The following RDH12 variants were observed in gnomAD, a reference collection of about 807,000 sequenced individuals.
RDH12 encodes the protein retinol dehydrogenase 12, also known as all-trans and 9-cis retinol dehydrogenase.
RDH12 carries 21 observed loss-of-function variants against 34.0 expected under a neutral mutation model. The observed-to-expected ratio is 0.62, with a 90% CI of 0.44 to 0.89. The LOEUF (loss-of-function observed/expected upper bound fraction) is 0.89, where lower values mean the gene tolerates loss of function less well. RDH12 is among the 40% of genes least tolerant of loss of function. RDH12 has a pLI of 0.00. For missense variants in RDH12, 394 were observed against 398.6 expected (o/e 0.99, Z 0.10); for synonymous variants, 198 against 169.9 (o/e 1.17, Z -1.29).
chr14:67,713,853 G>C (rs1291576464), intron 1 of RDH12, among the ~76,000 whole-genome samples: 1 of 152,142 alleles, frequency 6.6e-6, no homozygotes, highest in East Asian at 1.9e-4. Context: ...ACAACTCGAA[G>C]CAGGGAGGGG....
intron 1 of RDH12, chr14:67,715,116 C>G (rs1443892543): frequency 1.3e-5 from 2 of 152,284 alleles, no homozygotes; most frequent in African/African-American, 2.4e-5. Flanking sequence ...GAAGTGCCAG[C>G]CTTCTCCACT....
chr14:67,723,392 C>T (rs939170761), intron 3 of RDH12, among the ~76,000 whole-genome samples: 2 of 152,188 alleles, frequency 1.3e-5, no homozygotes, highest in African/African-American at 4.8e-5. Flanking sequence ...TGCCACTACA[C>T]CCAGCTACTT....
intron 1 of RDH12, among the ~76,000 whole-genome samples, chr14:67,718,494 A>T (rs1004561942): frequency 6.6e-6 from 1 of 152,180 alleles, no homozygotes; most frequent in African/African-American, 2.4e-5. Context: ...ATAGCATGTG[A>T]TCTCCACACA....
In RDH12 at chr14:67,729,219, C is replaced by G; in HGVS notation, c.687C>G (p.His229Gln). The G allele has an allele frequency of 6.2e-7, 1 of 1,612,180 alleles. No homozygotes were observed. Among genetic ancestry groups the G allele is most frequent in the African/African-American group, 1.3e-5 (1 of 75,020 alleles). Residue 229 changes from histidine (H) to glutamine (Q), a missense_variant, in exon 8 of 9, where the codon CAC (histidine) becomes CAG (glutamine). Physicochemically the swap from His to Gln is conservative, Grantham distance 24. Transcript: ENST00000551171. ...CCGGGGTCACCACCTACGCAGTGCA[C>G]CCAGGCGTCGTCCGCTCTGAGCTGG... ...QGTGVTTYAV[H>Q]PGVVRSELVR...
At chr14:67,724,214 C>A (rs1418730608) in intron 3 of RDH12, among the ~76,000 whole-genome samples, 1 of 152,188 alleles carries the variant, frequency 6.6e-6, no homozygotes, top group Non-Finnish European at 1.5e-5. Flanking sequence ...GCCCTGACTC[C>A]AGCATTTACT....
intron 1 of RDH12, among the ~76,000 whole-genome samples, chr14:67,703,550 C>T (rs55711201): frequency 0.45 from 68,278 of 151,962 alleles, 17,887 homozygotes; most frequent in Non-Finnish European, 0.61. Flanking sequence ...AGAACTTAGA[C>T]GATCCTACAT....
chr14:67,703,744 C>T (rs1028037925), intron 1 of RDH12, among the ~76,000 whole-genome samples: 2 of 152,090 alleles, frequency 1.3e-5, no homozygotes, highest in Admixed American at 6.6e-5. Context: ...GGCATGATCA[C>T]AGCTCATTGC....
At chr14:67,724,088 G>A (rs1040642111) in intron 3 of RDH12, among the ~76,000 whole-genome samples, 5 of 151,818 alleles carry the variant, frequency 3.3e-5, no homozygotes, top group Middle Eastern at 3.4e-3. Flanking sequence ...TATTGACTCC[G>A]CTAATGTTTA....
At position 67,730,673 on chromosome 14, in the gene RDH12, G is replaced by A. The variant is rs567497595; in HGVS notation, c.848+1293G>A. Among the ~76,000 whole-genome samples, 3 of 152,106 alleles carry A rather than the reference G, an allele frequency of 2.0e-5. No individual in the cohort carries two copies. The South Asian group carries it at 6.2e-4, about 32-fold the overall frequency. ...GGCTGGAGGGCAATGGCTTGATCTT[G>A]GCTCACTGCAACTTCAGCCTCCTGG... On this transcript the variant is annotated intron_variant, in intron 8 of 8. Transcript: ENST00000551171.
At chr14:67,731,903 G>T (rs1210289483) in intron 8 of RDH12, among the ~76,000 whole-genome samples, 2 of 151,864 alleles carry the variant, frequency 1.3e-5, no homozygotes. Flanking sequence ...GAGGTGGGTG[G>T]ATCACTTGAG....
chr14:67,703,630 A>G (rs1173980643), intron 1 of RDH12, among the ~76,000 whole-genome samples: 2 of 152,184 alleles, frequency 1.3e-5, no homozygotes, highest in African/African-American at 2.4e-5. Flanking sequence ...GTGCACAACA[A>G]TGGGCCATAA....
chr14:67,717,074 T>C (rs929158120), intron 1 of RDH12, among the ~76,000 whole-genome samples: 8 of 151,256 alleles, frequency 5.3e-5, no homozygotes, highest in Non-Finnish European at 1.2e-4. Flanking sequence ...TCGGTACCCT[T>C]CCCCTTTAAA....
intron 1 of RDH12, among the ~76,000 whole-genome samples, chr14:67,705,655 G>T (rs1286342324): frequency 2.0e-5 from 3 of 152,144 alleles, no homozygotes; most frequent in Non-Finnish European, 4.4e-5. Flanking sequence ...TAATTTCCTG[G>T]TTTTGATCAT....
intron 1 of RDH12, among the ~76,000 whole-genome samples, chr14:67,715,397 G>A (rs1385319765): frequency 1.3e-5 from 2 of 152,174 alleles, no homozygotes; most frequent in African/African-American, 4.8e-5. Flanking sequence ...TTTTGTCTAA[G>A]AGGCATTTCT....
chr14:67,703,862 G>A (rs558305992), intron 1 of RDH12, among the ~76,000 whole-genome samples: 45 of 152,170 alleles, frequency 3.0e-4, no homozygotes, highest in African/African-American at 9.9e-4. Context: ...TTTTTGGGTA[G>A]AGATGGGGTT....
At chr14:67,720,224 A>G (rs2038108377) in intron 1 of RDH12, among the ~76,000 whole-genome samples, 1 of 152,140 alleles carries the variant, frequency 6.6e-6, no homozygotes, top group Admixed American at 6.5e-5. Context: ...CTGCTATTTC[A>G]ATTGGGTTGT....
At chr14:67,713,916 C>G (rs967637675) in intron 1 of RDH12, among the ~76,000 whole-genome samples, 4 of 152,144 alleles carry the variant, frequency 2.6e-5, no homozygotes, top group African/African-American at 9.7e-5. Flanking sequence ...TTTTGAGTTT[C>G]TGTTTAGCCT....
At chr14:67,731,495 G>A (rs968015517) in intron 8 of RDH12, among the ~76,000 whole-genome samples, 4 of 151,842 alleles carry the variant, frequency 2.6e-5, no homozygotes, top group Admixed American at 6.6e-5. Context: ...GATTGCAGGC[G>A]TGAGCCACTG....
intron 2 of RDH12, among the ~76,000 whole-genome samples, chr14:67,721,639 C>A (rs978200056): frequency 6.6e-6 from 1 of 152,018 alleles, no homozygotes; most frequent in Admixed American, 6.6e-5. Context: ...AGATACGAAT[C>A]AGAACAGCTA....
Sources: gnomAD v4.1 joint callset for allele counts (sites outside exome capture counted in the v4.1 genomes callset) on GRCh38, gnomAD v4.1.1 for gene constraint, MANE v1.5 for transcripts, NCBI Gene and HGNC (gene_info 2026-07-23, HGNC 2026-07-21) for gene names.